The following RAP1GAP2 variants were observed in gnomAD, a reference collection of about 807,000 sequenced individuals.
RAP1GAP2 encodes the protein rap1 GTPase-activating protein 2.
A neutral mutation model predicts 95.0 loss-of-function variants in RAP1GAP2; 27 were observed. The observed-to-expected ratio is 0.28, with a 90% CI of 0.21 to 0.39. The LOEUF is 0.39. Among genes scored for constraint, RAP1GAP2 ranks in the 10% least tolerant of loss-of-function variants. The probability of loss-of-function intolerance (pLI) is 1.00; values close to 1 mark genes in which losing one functional copy is unlikely to be tolerated. For synonymous variants in RAP1GAP2, 373 were observed against 380.9 expected (o/e 0.98, Z 0.24); for missense variants, 771 against 970.0 (o/e 0.79, Z 2.72).
intron 1 of RAP1GAP2, among the ~76,000 whole-genome samples, chr17:2,758,904 C>T (rs986491204): frequency 2.0e-5 from 3 of 152,132 alleles, no homozygotes; most frequent in Non-Finnish European, 4.4e-5. Context: ...TCACTGCAGC[C>T]TCGACTTCCC....
chr17:3,020,745 G>C, intron 19 of RAP1GAP2, 150 bp downstream of exon 19: 2 of 673,970 alleles, frequency 3.0e-6, no homozygotes, highest in Non-Finnish European at 5.1e-6. Flanking sequence ...TGTGTCCCCT[G>C]TCACTCACTC....
intron 8 of RAP1GAP2, among the ~76,000 whole-genome samples, chr17:2,973,029 C>T (rs1039507235): frequency 5.3e-5 from 8 of 151,932 alleles, no homozygotes; most frequent in South Asian, 2.1e-4. Context: ...TGATGGGAGA[C>T]GTAGGTGGTG....
At chr17:2,925,039 T>G (rs1268154513) in intron 3 of RAP1GAP2, among the ~76,000 whole-genome samples, 2 of 152,204 alleles carry the variant, frequency 1.3e-5, no homozygotes, top group Non-Finnish European at 2.9e-5. Context: ...TGGGACTGTA[T>G]GTGAGTGCCC....
intron 2 of RAP1GAP2, among the ~76,000 whole-genome samples, chr17:2,881,360 T>C (rs1193125813): frequency 6.6e-6 from 1 of 152,176 alleles, no homozygotes; most frequent in Non-Finnish European, 1.5e-5. Flanking sequence ...GGATTTCAGC[T>C]TTTTGGATTT....
At chr17:2,832,382 C>A (rs886608968) in intron 2 of RAP1GAP2, among the ~76,000 whole-genome samples, 1 of 150,162 alleles carries the variant, frequency 6.7e-6, no homozygotes, top group African/African-American at 2.5e-5. Context: ...AACGGTGAAA[C>A]CCCATCTCTA....
At chr17:2,941,425 AAAATG>A (rs1395904134) in intron 3 of RAP1GAP2, among the ~76,000 whole-genome samples, 1 of 151,280 alleles carries the variant, frequency 6.6e-6, no homozygotes, top group East Asian at 1.9e-4. Context: ...AATTAAAAAT[AAAATG>A]AAATAAAAAC....
chr17:2,832,515 G>T (rs1423834592), intron 2 of RAP1GAP2, among the ~76,000 whole-genome samples: 4 of 137,634 alleles, frequency 2.9e-5, no homozygotes, highest in African/African-American at 1.1e-4. Flanking sequence ...CCGAGATCGC[G>T]CCACTGCACT....
At chr17:2,931,209 G>A (rs1484700569) in intron 3 of RAP1GAP2, among the ~76,000 whole-genome samples, 1 of 151,864 alleles carries the variant, frequency 6.6e-6, no homozygotes, top group East Asian at 1.9e-4. Context: ...GCTGGGTCAT[G>A]GTCCCCACCT....
At chr17:2,789,842 C>A (rs2068879950) in intron 1 of RAP1GAP2, among the ~76,000 whole-genome samples, 1 of 150,860 alleles carries the variant, frequency 6.6e-6, no homozygotes, top group African/African-American at 2.4e-5. Context: ...TATGTCTGGG[C>A]CCTGCTCTTG....
At chr17:2,833,070 C>T (rs919100699) in intron 2 of RAP1GAP2, among the ~76,000 whole-genome samples, 11 of 152,208 alleles carry the variant, frequency 7.2e-5, no homozygotes, top group Admixed American at 5.2e-4. Flanking sequence ...TCCTTCTAAT[C>T]ACAGTTTAGG....
At chr17:2,925,534 T>G (rs990466883) in intron 3 of RAP1GAP2, among the ~76,000 whole-genome samples, 1 of 152,108 alleles carries the variant, frequency 6.6e-6, no homozygotes, top group Non-Finnish European at 1.5e-5. Context: ...GCTCCCTCGC[T>G]CCACTCGTGG....
intron 2 of RAP1GAP2, among the ~76,000 whole-genome samples, chr17:2,814,045 G>A (rs1021138087): frequency 3.3e-5 from 5 of 152,092 alleles, no homozygotes; most frequent in African/African-American, 4.8e-5. Flanking sequence ...AAATCTCCCC[G>A]ACTCCGTTGA....
At chr17:3,032,087 C>G (rs535545711) in intron 23 of RAP1GAP2, among the ~76,000 whole-genome samples, 13 of 140,276 alleles carry the variant, frequency 9.3e-5, no homozygotes, top group Admixed American at 9.1e-4. Flanking sequence ...TTCAGACTAT[C>G]GAGAGCTCCA....
At chr17:2,913,177 C>CA (rs112241507) in intron 3 of RAP1GAP2, among the ~76,000 whole-genome samples, 26 of 146,654 alleles carry the variant, frequency 1.8e-4, no homozygotes, top group Middle Eastern at 3.4e-3. Context: ...AATCCTGTTT[C>CA]AAAAAAAAAG....
At chr17:2,815,222 G>A (rs970765035) in intron 2 of RAP1GAP2, among the ~76,000 whole-genome samples, 6 of 152,206 alleles carry the variant, frequency 3.9e-5, no homozygotes, top group Middle Eastern at 6.8e-3. Context: ...AACCAGTGCC[G>A]TTTAAAGCAC....
At chr17:2,845,206 G>A (rs578095411) in intron 2 of RAP1GAP2, among the ~76,000 whole-genome samples, 1 of 152,248 alleles carries the variant, frequency 6.6e-6, no homozygotes, top group Admixed American at 6.5e-5. Flanking sequence ...GCAGTTGCAT[G>A]ATCTCAGCTG....
chr17:2,781,781 C>T (rs1396634770), intron 1 of RAP1GAP2, among the ~76,000 whole-genome samples: 2 of 136,436 alleles, frequency 1.5e-5, no homozygotes, highest in Non-Finnish European at 3.1e-5. Context: ...TGTGTGTGCA[C>T]GTTTCTGTGT....
chr17:2,893,585 G>A lies in RAP1GAP2; in HGVS notation c.81-11699G>A, dbSNP rs144607839. Among the ~76,000 whole-genome samples, 22 of 152,356 alleles carry A rather than the reference G, an allele frequency of 1.4e-4. No individual in the cohort carries two copies. The East Asian group carries it at 3.1e-3, about 21-fold the overall frequency. On this transcript the variant is annotated intron_variant, in intron 2 of 24. Coordinates refer to ENST00000254695, the MANE Select transcript of RAP1GAP2 (RefSeq NM_015085.5). ...TTTCCTCGCCATCCAGGTGAAGGGC[G>A]TTTACGGGCTGGGAAAATGCTGATA...
chr17:2,928,552 G>A (rs1195456561), intron 3 of RAP1GAP2, among the ~76,000 whole-genome samples: 3 of 152,156 alleles, frequency 2.0e-5, no homozygotes, highest in African/African-American at 7.2e-5. Flanking sequence ...CAGGTGACCT[G>A]CCTGGCATGG....
Sources: gnomAD v4.1 joint callset for allele counts (sites outside exome capture counted in the v4.1 genomes callset) on GRCh38, gnomAD v4.1.1 for gene constraint, MANE v1.5 for transcripts, NCBI Gene and HGNC (gene_info 2026-07-23, HGNC 2026-07-21) for gene names.